Variants in CRADD observed in about 807,000 individuals in gnomAD.
CRADD encodes CARD and death domain containing adaptor protein.
CRADD carries 9 observed loss-of-function variants against 15.5 expected under a neutral mutation model. The ratio of observed to expected loss-of-function variants is 0.58; its 90% confidence interval spans 0.35 to 1.01. CRADD has a LOEUF of 1.01. Among genes scored for constraint, CRADD ranks in the 50% least tolerant of loss-of-function variants. CRADD has a pLI of 0.02. For missense variants in CRADD, 227 were observed against 250.3 expected (o/e 0.91, Z 0.63); for synonymous variants, 118 against 107.6 (o/e 1.10, Z -0.60).
At chr12:93,834,073 C>T (rs923366696) in intron 2 of CRADD, among the ~76,000 whole-genome samples, 5 of 152,066 alleles carry the variant, frequency 3.3e-5, no homozygotes, top group Admixed American at 2.6e-4. Flanking sequence ...ATGTGGTGGG[C>T]GCATAAGATC....
At chr12:93,812,200 C>G (rs118018628) in intron 2 of CRADD, among the ~76,000 whole-genome samples, 150 of 152,174 alleles carry the variant, frequency 9.9e-4, no homozygotes, top group African/African-American at 3.5e-3. Flanking sequence ...CTATATTACT[C>G]TATCAATCAT....
intron 2 of CRADD, among the ~76,000 whole-genome samples, chr12:93,878,521 C>A (rs900328346): frequency 2.6e-5 from 4 of 152,132 alleles, no homozygotes; most frequent in Admixed American, 2.0e-4. Context: ...ATGCCCCACC[C>A]CCAGTCCACT....
At chr12:93,820,659 G>A (rs1394672273) in intron 2 of CRADD, among the ~76,000 whole-genome samples, 1 of 152,194 alleles carries the variant, frequency 6.6e-6, no homozygotes, top group African/African-American at 2.4e-5. Flanking sequence ...CCACTTAGCT[G>A]GTGCTCATGT....
intron 2 of CRADD, among the ~76,000 whole-genome samples, chr12:93,860,247 G>A (rs1958309065): frequency 6.6e-6 from 1 of 152,158 alleles, no homozygotes; most frequent in Admixed American, 6.5e-5. Flanking sequence ...TTTAATTTGA[G>A]TAAAGAAAAA....
intron 2 of CRADD, among the ~76,000 whole-genome samples, chr12:93,726,161 T>C (rs1956363727): frequency 7.3e-6 from 1 of 137,186 alleles, no homozygotes; most frequent in Non-Finnish European, 1.6e-5. Flanking sequence ...CTGAGTGCAA[T>C]GGTGCAATCT....
intron 2 of CRADD, among the ~76,000 whole-genome samples, chr12:93,888,142 CA>C (rs1257830831): frequency 6.6e-6 from 1 of 152,102 alleles, no homozygotes; most frequent in African/African-American, 2.4e-5. Context: ...ATAGAGATGG[CA>C]GGCCGGGCGC....
intron 1 of CRADD, 63 bp downstream of exon 1, chr12:93,677,535 C>G (rs568508591): frequency 6.6e-6 from 1 of 152,288 alleles, no homozygotes; most frequent in East Asian, 1.9e-4. Context: ...GACCTGGGCC[C>G]TGCGGGGGCT....
chr12:93,883,386 T>G (rs1958515731), intron 2 of CRADD, among the ~76,000 whole-genome samples: 1 of 152,224 alleles, frequency 6.6e-6, no homozygotes, highest in South Asian at 2.1e-4. Flanking sequence ...TACTATAAGC[T>G]AAATATAAAA....
intron 2 of CRADD, among the ~76,000 whole-genome samples, chr12:93,882,488 C>T (rs1405653985): frequency 6.6e-6 from 1 of 151,594 alleles, no homozygotes; most frequent in Non-Finnish European, 1.5e-5. Flanking sequence ...CACACTATCC[C>T]CCCACCCCCG....
intron 2 of CRADD, among the ~76,000 whole-genome samples, chr12:93,820,014 G>T (rs1327523820): frequency 2.6e-5 from 4 of 152,158 alleles, no homozygotes; most frequent in Admixed American, 2.6e-4. Context: ...ATGTCTACCT[G>T]CTCCTCCTTC....
At chr12:93,791,614 C>T (rs58798353) in intron 2 of CRADD, among the ~76,000 whole-genome samples, 11,996 of 152,090 alleles carry the variant, frequency 0.079, 512 homozygotes, top group East Asian at 0.17. Context: ...TACAGCATGG[C>T]AACTGTAGTA....
At chr12:93,825,694 C>T (rs1957816038) in intron 2 of CRADD, among the ~76,000 whole-genome samples, 1 of 152,180 alleles carries the variant, frequency 6.6e-6, no homozygotes, top group South Asian at 2.1e-4. Context: ...AGGAGAAGCA[C>T]AGCAGTATTA....
chr12:93,751,320 G>T (rs1406348703), intron 2 of CRADD, among the ~76,000 whole-genome samples: 1 of 152,158 alleles, frequency 6.6e-6, no homozygotes, highest in Non-Finnish European at 1.5e-5. Flanking sequence ...ATGCCCTGTT[G>T]AGAGCCTCTT....
At chr12:93,796,081 C>T (rs1186347966) in intron 2 of CRADD, among the ~76,000 whole-genome samples, 1 of 151,512 alleles carries the variant, frequency 6.6e-6, no homozygotes, top group Non-Finnish European at 1.5e-5. Context: ...GTAATAATAG[C>T]TATCTATGTC....
intron 2 of CRADD, among the ~76,000 whole-genome samples, chr12:93,694,029 T>C (rs983899279): frequency 6.6e-6 from 1 of 152,032 alleles, no homozygotes; most frequent in African/African-American, 2.4e-5. Flanking sequence ...GATACAAGAA[T>C]AGAAAATTAC....
chr12:93,871,294 C>T (rs111765248), intron 2 of CRADD, among the ~76,000 whole-genome samples: 18 of 152,172 alleles, frequency 1.2e-4, no homozygotes, highest in African/African-American at 3.6e-4. Flanking sequence ...GTTTATCTTG[C>T]CTCACATTAA....
At chr12:93,814,607 A>G (rs1331573374) in intron 2 of CRADD, among the ~76,000 whole-genome samples, 5 of 152,220 alleles carry the variant, frequency 3.3e-5, no homozygotes, top group Admixed American at 6.5e-5. Flanking sequence ...GTGACGTCCT[A>G]CAAACTTTGG....
At chr12:93,876,869 G>C (rs1334196164) in intron 2 of CRADD, among the ~76,000 whole-genome samples, 1 of 152,044 alleles carries the variant, frequency 6.6e-6, no homozygotes, top group African/African-American at 2.4e-5. Context: ...TCCCTGGGTG[G>C]TGTTGATAGA....
At chr12:93,720,572 C>T (rs1956243140) in intron 2 of CRADD, among the ~76,000 whole-genome samples, 1 of 152,042 alleles carries the variant, frequency 6.6e-6, no homozygotes, top group Non-Finnish European at 1.5e-5. Context: ...ATCAGTTTTA[C>T]CTCATGTATT....
Sources: allele counts gnomAD v4.1 joint callset (sites outside exome capture counted in the v4.1 genomes callset), GRCh38; gene constraint gnomAD v4.1.1; transcripts MANE v1.5; gene names NCBI Gene and HGNC (gene_info 2026-07-23, HGNC 2026-07-21).